SH3PXD2B: variants seen among roughly 807,000 people sequenced by gnomAD.
The protein encoded by SH3PXD2B is SH3 and PX domain-containing protein 2B.
Under a neutral mutation model 73.1 loss-of-function variants are expected in SH3PXD2B, and 37 were observed. The observed-to-expected ratio is 0.51, with a 90% CI of 0.39 to 0.67. The LOEUF (loss-of-function observed/expected upper bound fraction) is 0.67, where lower values mean the gene tolerates loss of function less well. Among genes scored for constraint, SH3PXD2B ranks in the 30% least tolerant of loss-of-function variants. The pLI is 0.00. For synonymous variants in SH3PXD2B, 457 were observed against 480.5 expected (o/e 0.95, Z 0.64); for missense variants, 1,053 against 1,197.8 (o/e 0.88, Z 1.78).
intron 4 of SH3PXD2B, among the ~76,000 whole-genome samples, chr5:172,393,526 CT>C (rs1438545315): frequency 5.2e-4 from 79 of 152,162 alleles, no homozygotes; most frequent in Non-Finnish European, 1.5e-5. Flanking sequence ...CCTTCCCAAT[CT>C]GGATGGCTTT....
intron 4 of SH3PXD2B, among the ~76,000 whole-genome samples, chr5:172,393,075 A>G (rs181270333): frequency 6.6e-6 from 1 of 152,234 alleles, no homozygotes; most frequent in African/African-American, 2.4e-5. Context: ...ACACTTGAGG[A>G]TTGGCTTGTC....
At chr5:172,376,195 C>G (rs1390277736) in intron 5 of SH3PXD2B, among the ~76,000 whole-genome samples, 2 of 151,756 alleles carry the variant, frequency 1.3e-5, no homozygotes, top group African/African-American at 4.8e-5. Context: ...ACGCCTGGCT[C>G]TTTTTGTATT....
intron 12 of SH3PXD2B, among the ~76,000 whole-genome samples, chr5:172,328,035 G>A (rs145971020): frequency 0.015 from 2,174 of 144,558 alleles, 53 homozygotes; most frequent in African/African-American, 0.053. Flanking sequence ...GATTATAGGC[G>A]TGAGCCACCA....
chr5:172,330,969 T>C (rs1396746787), downstream of SH3PXD2B, among the ~76,000 whole-genome samples: 1 of 152,024 alleles, frequency 6.6e-6, no homozygotes, highest in Non-Finnish European at 1.5e-5. Context: ...CCAAGGTGGG[T>C]GGATCACTTG....
rs141493467 is a variant in SH3PXD2B at position 172,339,487 on chromosome 5, C to G, written c.1618G>C (p.Glu540Gln). The stretch of plus-strand genomic sequence containing the variant: ...TGCTCCGTCCTCTGCCGCTCCCGCT[C>G]CCGCTCCAGCAGCTCCCCCTCCGAC... ...IKSEGELLER[E>Q]RERQRTEQLR... The change falls in exon 13 of 13, where the codon GAG (glutamate) becomes CAG (glutamine). Residue 540 changes from glutamate to glutamine, a missense_variant. Around this residue, in one of 2 missense-constraint regions of SH3PXD2B, gnomAD observed 587 missense variants for 590.7 expected, o/e 0.99. Coordinates refer to ENST00000311601, the MANE Select transcript of SH3PXD2B (RefSeq NM_001017995.3). The surrounding 1 kb of genome is among the most constrained non-coding windows in gnomAD (Gnocchi z 6.1). 1.9e-6 allele frequency: 3 copies of G among 1,613,894 alleles called. No homozygotes were observed. The African/African-American group carries it at 4.0e-5, about 21-fold the overall frequency.
chr5:172,343,966 GA>G (rs760791917), intron 12 of SH3PXD2B, among the ~76,000 whole-genome samples: 71 of 140,562 alleles, frequency 5.1e-4, no homozygotes, highest in East Asian at 1.0e-3. Context: ...CATGCTGATA[GA>G]AAAAAAAAAA....
intron 1 of SH3PXD2B, among the ~76,000 whole-genome samples, chr5:172,439,236 CAGAAAAAAAAAAA>C (rs1402123323): frequency 1.8e-4 from 11 of 61,418 alleles, no homozygotes; most frequent in South Asian, 9.8e-4. Flanking sequence ...ACAGAAAAAA[CAGAAAAAAAAAAA>C]AGAAAAAAAA....
intron 4 of SH3PXD2B, among the ~76,000 whole-genome samples, chr5:172,387,672 A>G (rs1278507872): frequency 2.0e-5 from 3 of 152,224 alleles, no homozygotes; most frequent in Non-Finnish European, 4.4e-5. Flanking sequence ...GATTTCAAGG[A>G]GCTTCCAGAA....
intron 1 of SH3PXD2B, among the ~76,000 whole-genome samples, chr5:172,425,632 G>A (rs985687733): frequency 1.2e-4 from 18 of 152,136 alleles, no homozygotes; most frequent in Admixed American, 7.2e-4. Context: ...GAGCGGGGGA[G>A]GAGGCAGCAG....
At chr5:172,371,772 T>C (rs1757710449) in intron 6 of SH3PXD2B, among the ~76,000 whole-genome samples, 1 of 152,236 alleles carries the variant, frequency 6.6e-6, no homozygotes, top group Non-Finnish European at 1.5e-5. Flanking sequence ...GAGCTGTCTC[T>C]TTCCTCTCTT....
rs909541709 is a variant in SH3PXD2B, at chr5:172,337,825, C to T, written c.*544G>A. ...GCCTGAGGCTTTGGGGAAGGGGACA[C>T]TTTCCCTGGAACTGGTAATGGAATG... is the stretch of plus-strand genomic sequence containing the variant. On this transcript the variant is annotated 3_prime_UTR_variant, in exon 13 of 13. Transcript: ENST00000311601. 21 of 999,870 alleles carry T rather than the reference C, an allele frequency of 2.1e-5. No homozygotes were observed. The African/African-American group carries it at 3.5e-4, about 17-fold the overall frequency. The allele number at this position is 999,870 out of a possible 1,614,324, so 61.9% of individuals were successfully genotyped here. A position where few individuals can be genotyped will look rare whatever the true frequency, so the allele number is the denominator to read the frequency against.
At chr5:172,451,783 G>C (rs892912086) in intron 1 of SH3PXD2B, among the ~76,000 whole-genome samples, 1 of 152,220 alleles carries the variant, frequency 6.6e-6, no homozygotes, top group Non-Finnish European at 1.5e-5. Flanking sequence ...GGTTGGGGTG[G>C]AGCTTGGGAA....
chr5:172,407,908 C>T (rs1232232839), intron 2 of SH3PXD2B, among the ~76,000 whole-genome samples: 1 of 152,306 alleles, frequency 6.6e-6, no homozygotes, highest in African/African-American at 2.4e-5. Context: ...GCCAACAAAG[C>T]GGAGGGGCCA....
intron 1 of SH3PXD2B, among the ~76,000 whole-genome samples, chr5:172,449,600 C>T (rs987589514): frequency 2.0e-5 from 3 of 152,138 alleles, no homozygotes; most frequent in South Asian, 2.1e-4. Context: ...TGGTAATTCA[C>T]GGAAGAGGAA....
Position 172,376,030 on chromosome 5 carries a change from C to T in SH3PXD2B, c.402-2215G>A, listed in dbSNP as rs376737773. Among the ~76,000 whole-genome samples, 1,177 of 136,140 alleles carry T rather than the reference C, an allele frequency of 8.6e-3. 15 individuals are homozygous for T. The highest frequency in any genetic ancestry group is 0.031 in the African/African-American group (1,124 of 35,692). The allele number at this position is 136,140 out of a possible 152,430, so 89.3% of individuals were successfully genotyped here. A position where few individuals can be genotyped will look rare whatever the true frequency, so the allele number is the denominator to read the frequency against. Reference sequence around the variant, plus strand: ...CTTGACAATACTTGTCATGTATCTTCTTTTTTTTTTTTTTTTTGAGGTGGA... The same window carrying T: ...CTTGACAATACTTGTCATGTATCTTTTTTTTTTTTTTTTTTTTGAGGTGGA... On this transcript the variant is annotated intron_variant, in intron 5 of 12. Transcript: ENST00000311601.
chr5:172,359,822 C>T (rs1757360908), intron 7 of SH3PXD2B, among the ~76,000 whole-genome samples: 1 of 152,120 alleles, frequency 6.6e-6, no homozygotes, highest in South Asian at 2.1e-4. Context: ...GGAGTTTATC[C>T]CAGATTCTCT....
intron 4 of SH3PXD2B, among the ~76,000 whole-genome samples, chr5:172,382,702 A>C (rs1757976789): frequency 6.6e-6 from 1 of 151,894 alleles, no homozygotes; most frequent in African/African-American, 2.4e-5. Flanking sequence ...CTTAGCTATA[A>C]ATTGTCAACT....
chr5:172,423,545 T>TGGGGGG (rs34097249), intron 1 of SH3PXD2B, among the ~76,000 whole-genome samples: 1 of 67,564 alleles, frequency 1.5e-5, no homozygotes, highest in African/African-American at 5.9e-5. Flanking sequence ...GATACGGGGT[T>TGGGGGG]GGGGGGGGGG....
chr5:172,332,587 G>GATTA (rs10684221), downstream of SH3PXD2B, among the ~76,000 whole-genome samples: 97,598 of 151,196 alleles, frequency 0.65, 31,669 homozygotes, highest in South Asian at 0.84. Flanking sequence ...TGGGGACACA[G>GATTA]ATTAATATAT....
Sources: allele counts gnomAD v4.1 joint callset (sites outside exome capture counted in the v4.1 genomes callset), GRCh38; gene constraint gnomAD v4.1.1; regional missense constraint gnomAD v4.1.1; non-coding constraint Gnocchi (gnomAD v3.1); transcripts MANE v1.5; gene names NCBI Gene and HGNC (gene_info 2026-07-23, HGNC 2026-07-21).